Variants in ABCA12 observed in about 807,000 individuals in gnomAD.
ABCA12 encodes the protein glucosylceramide transporter ABCA12.
ABCA12 carries 156 observed loss-of-function variants against 293.5 expected under a neutral mutation model. The observed-to-expected ratio is 0.53, with a 90% CI of 0.47 to 0.61. The LOEUF is 0.61. Ranked by LOEUF, ABCA12 falls within the 20% of genes least tolerant of loss-of-function variation. The probability of loss-of-function intolerance (pLI) is 0.00; values close to 1 mark genes in which losing one functional copy is unlikely to be tolerated. For synonymous variants in ABCA12, 1,063 were observed against 1,108.0 expected (o/e 0.96, Z 0.81); for missense variants, 2,797 against 3,090.2 (o/e 0.91, Z 2.25).
chr2:215,059,440 G>T (rs1033774979), intron 3 of ABCA12, among the ~76,000 whole-genome samples: 1 of 151,944 alleles, frequency 6.6e-6, no homozygotes, highest in Admixed American at 6.6e-5. Flanking sequence ...TTCAGCTATG[G>T]ATATCTGTCC....
chr2:215,114,926 G>A (rs1702654725), intron 1 of ABCA12, among the ~76,000 whole-genome samples: 1 of 152,160 alleles, frequency 6.6e-6, no homozygotes, highest in African/African-American at 2.4e-5. Flanking sequence ...TGAGAATTCA[G>A]TGACCGAGAT....
Position 215,111,583 on chromosome 2 carries a change from T to A in ABCA12, c.163+14A>T. The A allele has an allele frequency of 6.4e-7, 1 of 1,570,470 alleles. No individual in the cohort carries two copies. Among genetic ancestry groups the A allele is most frequent in the Non-Finnish European group, 8.8e-7 (1 of 1,141,500 alleles). On this transcript the variant is annotated intron_variant, in intron 2 of 52. Transcript: ENST00000272895. ...TCCAAAAATTAAGGAAATAAACAAATGTCATTTACTTACAAGTTGGTTTTG... is the reference window on the plus strand; with the variant it reads ...TCCAAAAATTAAGGAAATAAACAAAAGTCATTTACTTACAAGTTGGTTTTG...
At position 215,138,260 on chromosome 2, in the gene ABCA12, A is replaced by C; in HGVS notation, c.-52T>G. 3 of 1,581,852 alleles carry C rather than the reference A, an allele frequency of 1.9e-6. No homozygotes were observed. Among genetic ancestry groups the C allele is most frequent in the Non-Finnish European group, 2.6e-6 (3 of 1,150,864 alleles). On this transcript the variant is annotated 5_prime_UTR_variant, in exon 1 of 53. Transcript: ENST00000272895. Reference sequence around the variant, plus strand: ...TCCTCTTCTTTTCTCCACTCCACAAATGAAGAACTGATGCCCCGTCCAACT... The same window carrying C: ...TCCTCTTCTTTTCTCCACTCCACAACTGAAGAACTGATGCCCCGTCCAACT...
chr2:214,964,356 T>A (rs1043155850), intron 39 of ABCA12, among the ~76,000 whole-genome samples: 3 of 152,128 alleles, frequency 2.0e-5, no homozygotes, highest in African/African-American at 7.2e-5. Context: ...CTATTCAACA[T>A]AGTATTGGAA....
At chr2:215,076,984 A>T (rs1420967307) in intron 2 of ABCA12, among the ~76,000 whole-genome samples, 1 of 152,226 alleles carries the variant, frequency 6.6e-6, no homozygotes, top group Non-Finnish European at 1.5e-5. Flanking sequence ...TAAAACAAGC[A>T]TAAGAATGTT....
At chr2:215,004,344 A>G (rs757986044) in intron 19 of ABCA12, 45 bp from the exon 20 acceptor site, 6 of 1,424,660 alleles carry the variant, frequency 4.2e-6, no homozygotes. Flanking sequence ...AAGAAAAATC[A>G]TGTTTGACAT....
intron 1 of ABCA12, among the ~76,000 whole-genome samples, chr2:215,135,611 C>T (rs905794876): frequency 1.3e-5 from 2 of 152,100 alleles, no homozygotes; most frequent in African/African-American, 4.8e-5. Flanking sequence ...AATATAAATG[C>T]TTGCATTTTA....
At chr2:214,963,313 A>C (rs1699164772) in intron 39 of ABCA12, 1 of 152,124 alleles carries the variant, frequency 6.6e-6, no homozygotes, top group Admixed American at 6.5e-5. Flanking sequence ...TAGAAAATGT[A>C]GAAAAAATGG....
At position 214,997,431 on chromosome 2, in the gene ABCA12, A is replaced by G. The variant is rs540504848; in HGVS notation, c.3294+264T>C. Among the ~76,000 whole-genome samples the G allele has an allele frequency of 5.4e-4, 82 of 152,212 alleles. No homozygotes were observed. In the South Asian group the frequency reaches 0.017, roughly 31 times the overall value. On this transcript the variant is annotated intron_variant, in intron 23 of 52. Coordinates refer to ENST00000272895, the MANE Select transcript of ABCA12 (RefSeq NM_173076.3). ...CTATAGGTAATTTCTTGGGCAAAAA[A>G]TTACTCCAGGAATTATCATTGTACT...
intron 23 of ABCA12, among the ~76,000 whole-genome samples, chr2:214,992,464 A>G (rs1286000125): frequency 6.8e-6 from 1 of 147,460 alleles, no homozygotes; most frequent in Admixed American, 6.7e-5. Context: ...AAAAAAATGA[A>G]AAAAAAAAAA....
chr2:214,998,315 T>TTTTG (rs1401262455), intron 22 of ABCA12, among the ~76,000 whole-genome samples: 1 of 152,138 alleles, frequency 6.6e-6, no homozygotes, highest in Non-Finnish European at 1.5e-5. Context: ...ATTCATTTGT[T>TTTTG]TTTGTTTGTT....
intron 19 of ABCA12, among the ~76,000 whole-genome samples, chr2:215,004,600 A>G (rs1461427226): frequency 6.6e-6 from 1 of 152,204 alleles, no homozygotes; most frequent in Non-Finnish European, 1.5e-5. Flanking sequence ...ATTTTTCCTC[A>G]TGGCTATATT....
chr2:215,107,784 T>A (rs1483235090), intron 2 of ABCA12, among the ~76,000 whole-genome samples: 1 of 152,176 alleles, frequency 6.6e-6, no homozygotes, highest in Non-Finnish European at 1.5e-5. Context: ...GTACCCACAG[T>A]ATTACAGAAC....
At chr2:215,005,216 G>A (rs574060827) in intron 19 of ABCA12, among the ~76,000 whole-genome samples, 13 of 152,204 alleles carry the variant, frequency 8.5e-5, no homozygotes, top group Admixed American at 2.6e-4. Flanking sequence ...ATTCTCCTAA[G>A]GACACACAAT....
chr2:215,033,594 C>T (rs1700925088), intron 8 of ABCA12, among the ~76,000 whole-genome samples: 1 of 152,108 alleles, frequency 6.6e-6, no homozygotes, highest in Non-Finnish European at 1.5e-5. Context: ...GTTACAGACC[C>T]TTAAAAACTG....
chr2:215,001,084 G>T, intron 21 of ABCA12, 64 bp from the exon 22 acceptor site: 1 of 1,527,880 alleles, frequency 6.5e-7, no homozygotes, highest in Non-Finnish European at 9.0e-7. Context: ...TCATTGTTTG[G>T]AGAGTACACA....
intron 1 of ABCA12, among the ~76,000 whole-genome samples, chr2:215,133,591 T>G (rs1201921687): frequency 6.6e-6 from 1 of 152,124 alleles, no homozygotes; most frequent in Non-Finnish European, 1.5e-5. Context: ...TGCTGGAATA[T>G]TTCTTCATTA....
intron 23 of ABCA12, among the ~76,000 whole-genome samples, chr2:214,996,499 A>G (rs2105983544): frequency 6.6e-6 from 1 of 152,262 alleles, no homozygotes. Flanking sequence ...AAAGATAACT[A>G]GAAGGGAGGG....
At chr2:215,055,260 C>A (rs925028725) in intron 3 of ABCA12, among the ~76,000 whole-genome samples, 28 of 152,046 alleles carry the variant, frequency 1.8e-4, no homozygotes, top group Admixed American at 7.9e-4. Context: ...TTGAATGTGT[C>A]AAGGCAGTAA....
Sources: gnomAD v4.1 joint callset for allele counts (sites outside exome capture counted in the v4.1 genomes callset) on GRCh38, gnomAD v4.1.1 for gene constraint, MANE v1.5 for transcripts, NCBI Gene and HGNC (gene_info 2026-07-23, HGNC 2026-07-21) for gene names.